Variants in ROBO2 observed in about 807,000 individuals in gnomAD.
The protein encoded by ROBO2 is roundabout homolog 2.
Under a neutral mutation model 160.8 loss-of-function variants are expected in ROBO2, and 53 were observed. That is an observed-to-expected ratio of 0.33 (90% confidence interval 0.26 to 0.41). ROBO2 has a LOEUF of 0.41. ROBO2 is among the 10% of genes least tolerant of loss of function. ROBO2 has a pLI of 1.00. For missense variants in ROBO2, 1,577 were observed against 1,722.4 expected, an observed-to-expected ratio of 0.92 and a Z score of 1.49; for synonymous variants, 664 against 611.7, an observed-to-expected ratio of 1.09 and a Z score of -1.26.
At chr3:76,393,435 A>T (rs2077256249) in intron 2 of ROBO2, among the ~76,000 whole-genome samples, 1 of 152,216 alleles carries the variant, frequency 6.6e-6, no homozygotes, top group South Asian at 2.1e-4. Context: ...CTAAATTATT[A>T]GAAAAAAGTA....
rs116999547 is a variant in ROBO2 at position 76,958,971 on chromosome 3, C to T, written c.110-139043C>T. Among the ~76,000 whole-genome samples, 40 of 152,288 alleles carry T rather than the reference C, an allele frequency of 2.6e-4. No homozygotes were observed. In the East Asian group the frequency reaches 7.0e-3, roughly 26 times the overall value. ...CTCCTAGGTCAGATTTTACAGTTAT[C>T]TCCATAACAACATTCACAGCTAATA... On this transcript the variant is annotated intron_variant, in intron 2 of 26. Transcript: ENST00000487694.
intron 2 of ROBO2, among the ~76,000 whole-genome samples, chr3:77,180,112 G>A (rs576316927): frequency 6.6e-6 from 1 of 151,730 alleles, no homozygotes; most frequent in African/African-American, 2.4e-5. Context: ...GTTTAGTGTT[G>A]ATGAGATCTA....
intron 2 of ROBO2, among the ~76,000 whole-genome samples, chr3:76,983,593 G>T (rs1559799026): frequency 6.6e-6 from 1 of 152,088 alleles, no homozygotes; most frequent in Non-Finnish European, 1.5e-5. Context: ...AATATCTAAA[G>T]AACCTACAAG....
At chr3:75,961,077 G>A (rs1237549125) in intron 2 of ROBO2, among the ~76,000 whole-genome samples, 2 of 151,610 alleles carry the variant, frequency 1.3e-5, no homozygotes, top group African/African-American at 2.4e-5. Context: ...GGGATATAAA[G>A]GGTTCATAAT....
intron 2 of ROBO2, among the ~76,000 whole-genome samples, chr3:76,832,659 A>T (rs567840920): frequency 6.6e-6 from 1 of 152,266 alleles, no homozygotes; most frequent in East Asian, 1.9e-4. Context: ...AAATACATTC[A>T]AGGTCAAGAA....
intron 2 of ROBO2, among the ~76,000 whole-genome samples, chr3:76,315,069 C>A (rs1367392981): frequency 6.6e-6 from 1 of 151,216 alleles, no homozygotes; most frequent in Non-Finnish European, 1.5e-5. Flanking sequence ...AACGTTGACC[C>A]CTTGGTTCAA....
chr3:77,466,804 C>G (rs889192305), intron 2 of ROBO2, among the ~76,000 whole-genome samples: 10 of 152,166 alleles, frequency 6.6e-5, no homozygotes, highest in African/African-American at 2.4e-4. Flanking sequence ...CCAGGACACC[C>G]TTGCACTGTA....
At chr3:75,974,292 A>G (rs2065076981) in intron 2 of ROBO2, among the ~76,000 whole-genome samples, 1 of 151,690 alleles carries the variant, frequency 6.6e-6, no homozygotes. Context: ...ATAGCAGTGC[A>G]TAGAAGCAGA....
chr3:76,009,655 C>G (rs545299935), intron 2 of ROBO2, among the ~76,000 whole-genome samples: 1 of 152,240 alleles, frequency 6.6e-6, no homozygotes, highest in African/African-American at 2.4e-5. Flanking sequence ...TTTCTAATTC[C>G]TATTTATGGT....
At chr3:76,876,512 T>C (rs1033295933) in intron 2 of ROBO2, among the ~76,000 whole-genome samples, 1 of 151,970 alleles carries the variant, frequency 6.6e-6, no homozygotes, top group Non-Finnish European at 1.5e-5. Context: ...CTGCCTCTAC[T>C]AAAAATATAA....
intron 2 of ROBO2, among the ~76,000 whole-genome samples, chr3:76,660,106 G>C (rs2091753009): frequency 7.1e-6 from 1 of 140,852 alleles, no homozygotes; most frequent in African/African-American, 2.5e-5. Flanking sequence ...TCATAACAAA[G>C]TTTTATGGCC....
chr3:77,140,162 C>A (rs2076592213), intron 2 of ROBO2, among the ~76,000 whole-genome samples: 1 of 152,176 alleles, frequency 6.6e-6, no homozygotes, highest in African/African-American at 2.4e-5. Flanking sequence ...CTTCTGTTAA[C>A]AACATGACCT....
chr3:76,005,009 T>C (rs1259168372), intron 2 of ROBO2, among the ~76,000 whole-genome samples: 1 of 152,156 alleles, frequency 6.6e-6, no homozygotes, highest in Non-Finnish European at 1.5e-5. Context: ...ATTCAGCTGA[T>C]TTAAAATAAC....
intron 16 of ROBO2, among the ~76,000 whole-genome samples, chr3:77,585,072 G>A (rs1252345102): frequency 6.6e-6 from 1 of 150,746 alleles, no homozygotes; most frequent in East Asian, 1.9e-4. Flanking sequence ...GAATATAATT[G>A]TTCTAAGTGA....
At chr3:77,366,819 AAGAG>A (rs1400457871) in intron 2 of ROBO2, among the ~76,000 whole-genome samples, 2 of 149,886 alleles carry the variant, frequency 1.3e-5, no homozygotes, top group African/African-American at 2.4e-5. Context: ...CAGAGAGAGA[AAGAG>A]AGGAGGGAGG....
intron 2 of ROBO2, among the ~76,000 whole-genome samples, chr3:76,741,091 T>C (rs972565481): frequency 2.0e-5 from 3 of 152,070 alleles, no homozygotes; most frequent in African/African-American, 7.2e-5. Context: ...TTAGTCCCTG[T>C]AGGACATTTC....
At chr3:76,061,352 C>T (rs1024502352) in intron 2 of ROBO2, among the ~76,000 whole-genome samples, 1 of 152,076 alleles carries the variant, frequency 6.6e-6, no homozygotes, top group Non-Finnish European at 1.5e-5. Flanking sequence ...TTTGAGCTCT[C>T]TGTGTTTAAG....
chr3:76,299,173 C>G (rs139735237), intron 2 of ROBO2, among the ~76,000 whole-genome samples: 2 of 152,036 alleles, frequency 1.3e-5, no homozygotes, highest in African/African-American at 4.8e-5. Flanking sequence ...AATAAGAAAG[C>G]AAAGTATATA....
At chr3:75,941,124 T>C (rs567700380) in intron 2 of ROBO2, among the ~76,000 whole-genome samples, 10 of 152,246 alleles carry the variant, frequency 6.6e-5, no homozygotes, top group Non-Finnish European at 1.3e-4. Flanking sequence ...TTTCATTTCA[T>C]TTCATTTCAT....
Sources: allele counts gnomAD v4.1 joint callset (sites outside exome capture counted in the v4.1 genomes callset), GRCh38; gene constraint gnomAD v4.1.1; transcripts MANE v1.5; gene names NCBI Gene and HGNC (gene_info 2026-07-23, HGNC 2026-07-21).